The following DMD variants were observed in gnomAD, a reference collection of about 807,000 sequenced individuals.
DMD encodes the protein dystrophin.
In DMD, 63 loss-of-function variants were observed where a neutral mutation model predicts 330.1. The observed-to-expected ratio is 0.19, with a 90% CI of 0.16 to 0.24. The LOEUF is 0.24. Among genes scored for constraint, DMD ranks in the 10% least tolerant of loss-of-function variants. The pLI is 1.00. For synonymous variants in DMD, 1,223 were observed against 959.8 expected (o/e 1.27, Z -5.07); for missense variants, 3,344 against 2,684.1 (o/e 1.25, Z -5.43).
rs1368934469 is a variant in DMD, at chrX:31,647,275, C to G, written c.8027+10715G>C. Among the ~76,000 whole-genome samples the G allele has an allele frequency of 2.7e-5, 3 of 111,788 alleles. No individual in the cohort carries two copies. The East Asian group carries it at 8.5e-4, about 32-fold the overall frequency. The stretch of plus-strand genomic sequence containing the variant: ...TCCAAATTGATAGGTATCCATTAGA[C>G]AGCAGTGAAGGGAGCATAGGCCTCA... On this transcript the variant is annotated intron_variant, in intron 54 of 78. Coordinates refer to ENST00000357033, the MANE Select transcript of DMD (RefSeq NM_004006.3).
At chrX:32,568,248 G>A (rs1279975529) in intron 15 of DMD, among the ~76,000 whole-genome samples, 1 of 112,014 alleles carries the variant, frequency 8.9e-6, no homozygotes, top group Non-Finnish European at 1.9e-5. Context: ...GGTGGCTCAC[G>A]CCTATAATCT....
chrX:33,326,859 G>C (rs935220512), intron 1 of DMD, among the ~76,000 whole-genome samples: 2 of 110,752 alleles, frequency 1.8e-5, no homozygotes, highest in African/African-American at 6.6e-5. Context: ...TGACTGTCAG[G>C]AGATATGGAG....
At chrX:31,138,624 G>GGA (rs1175532244) in intron 76 of DMD, among the ~76,000 whole-genome samples, 79 of 58,710 alleles carry the variant, frequency 1.3e-3, no homozygotes, top group Non-Finnish European at 2.0e-3. Context: ...CATGGCAGCA[G>GGA]GAGAGAGAGA....
At chrX:32,858,930 C>T (rs1363684082) in intron 2 of DMD, among the ~76,000 whole-genome samples, 2 of 111,178 alleles carry the variant, frequency 1.8e-5, no homozygotes, top group African/African-American at 6.5e-5. Flanking sequence ...TCAGGTCTCT[C>T]ACTCACTCAC....
At chrX:31,394,045 C>T (rs764220800) in intron 60 of DMD, among the ~76,000 whole-genome samples, 1 of 112,258 alleles carries the variant, frequency 8.9e-6, no homozygotes, top group Admixed American at 9.4e-5. Flanking sequence ...AGAACCTGAG[C>T]TCTGTTTATT....
chrX:31,487,802 C>CAACA (rs1452510160), intron 57 of DMD, among the ~76,000 whole-genome samples: 74 of 111,148 alleles, frequency 6.7e-4, no homozygotes, highest in African/African-American at 2.2e-3. Context: ...AGATAGTCAA[C>CAACA]AACATGAACA....
chrX:32,297,157 G>T (rs2148509948), intron 42 of DMD, among the ~76,000 whole-genome samples: 1 of 111,136 alleles, frequency 9.0e-6, no homozygotes, highest in African/African-American at 3.3e-5. Flanking sequence ...CTCTCTCTGT[G>T]TCTGACAGCT....
intron 7 of DMD, among the ~76,000 whole-genome samples, chrX:32,785,515 A>C (rs924138503): frequency 9.0e-6 from 1 of 111,530 alleles, no homozygotes; most frequent in South Asian, 3.7e-4. Context: ...AGGCTAGGTA[A>C]GGAGTATTAT....
intron 39 of DMD, among the ~76,000 whole-genome samples, chrX:32,344,219 A>C (rs1410654977): frequency 8.9e-6 from 1 of 112,103 alleles, no homozygotes; most frequent in East Asian, 2.8e-4. Context: ...TTAGGGTTTT[A>C]TTCACAGGTT....
At chrX:32,019,378 A>AT (rs1326569096) in intron 44 of DMD, among the ~76,000 whole-genome samples, 2 of 111,673 alleles carry the variant, frequency 1.8e-5, no homozygotes, top group Non-Finnish European at 3.8e-5. Flanking sequence ...GAATTTTATA[A>AT]TTTTTTCAAT....
chrX:32,568,001 C>T (rs746424383), intron 15 of DMD, among the ~76,000 whole-genome samples: 2 of 111,723 alleles, frequency 1.8e-5, no homozygotes, highest in African/African-American at 3.3e-5. Context: ...ATGTGTAAGG[C>T]TGAATGGTCT....
At chrX:32,113,680 G>T (rs1186559216) in intron 44 of DMD, among the ~76,000 whole-genome samples, 1 of 111,198 alleles carries the variant, frequency 9.0e-6, no homozygotes, top group Non-Finnish European at 1.9e-5. Context: ...CTTTATTTTT[G>T]TGTATATCCT....
chrX:33,082,004 C>G (rs2094937627), intron 1 of DMD, among the ~76,000 whole-genome samples: 2 of 106,653 alleles, frequency 1.9e-5, no homozygotes, highest in South Asian at 8.5e-4. Flanking sequence ...GGTGCCTCCT[C>G]TGTTTTTCCC....
At chrX:31,238,006 T>C (rs1439898834) in intron 63 of DMD, among the ~76,000 whole-genome samples, 1 of 112,135 alleles carries the variant, frequency 8.9e-6, no homozygotes, top group African/African-American at 3.2e-5. Context: ...AGGCGTGAAC[T>C]ATTGTGCCCA....
chrX:31,578,854 G>A (rs905756056), intron 55 of DMD, among the ~76,000 whole-genome samples: 2 of 112,080 alleles, frequency 1.8e-5, no homozygotes, highest in African/African-American at 3.2e-5. Context: ...CAACAACCAC[G>A]TATCTTGTTG....
In DMD at chrX:32,116,911, A is replaced by G. The variant is rs931794784; in HGVS notation, c.6438+100005T>C. Among the ~76,000 whole-genome samples, 23 of 111,852 alleles carry G rather than the reference A, an allele frequency of 2.1e-4. 1 individual carries two copies. The highest frequency in any genetic ancestry group is 4.1e-4 in the Non-Finnish European group (22 of 53,197). On this transcript the variant is annotated intron_variant, in intron 44 of 78. Coordinates refer to ENST00000357033, the MANE Select transcript of DMD (RefSeq NM_004006.3). ...CCCCAAATTCTAACTTCATTGAGCT[A>G]TGTTTTCTGTGAGCTCCCACATACT... is the stretch of plus-strand genomic sequence containing the variant.
At chrX:32,239,613 G>T (rs764553328) in intron 43 of DMD, among the ~76,000 whole-genome samples, 1 of 111,784 alleles carries the variant, frequency 8.9e-6, no homozygotes, top group Non-Finnish European at 1.9e-5. Flanking sequence ...ATAATGAAAG[G>T]TATCCACCAT....
chrX:31,645,268 C>A (rs1603436702), intron 54 of DMD, among the ~76,000 whole-genome samples: 2 of 110,755 alleles, frequency 1.8e-5, no homozygotes, highest in Admixed American at 9.6e-5. Flanking sequence ...TAAAAAATTT[C>A]TCCTCCATCC....
intron 52 of DMD, among the ~76,000 whole-genome samples, chrX:31,710,718 G>A (rs1254544816): frequency 9.0e-6 from 1 of 111,240 alleles, no homozygotes; most frequent in Non-Finnish European, 1.9e-5. Flanking sequence ...TTGTGAGTTT[G>A]TGTAGCATGA....
Sources: allele counts gnomAD v4.1 joint callset (sites outside exome capture counted in the v4.1 genomes callset), GRCh38; gene constraint gnomAD v4.1.1; transcripts MANE v1.5; gene names NCBI Gene and HGNC (gene_info 2026-07-23, HGNC 2026-07-21).